The following UBN2 variants were observed in gnomAD, a reference collection of about 807,000 sequenced individuals.
UBN2 encodes ubinuclein-2.
A neutral mutation model predicts 120.2 loss-of-function variants in UBN2; 35 were observed. The observed-to-expected ratio is 0.29, with a 90% CI of 0.22 to 0.39. The LOEUF is 0.39. Among genes scored for constraint, UBN2 ranks in the 10% least tolerant of loss-of-function variants. The pLI is 1.00. For synonymous variants in UBN2, 661 were observed against 648.7 expected (o/e 1.02, Z -0.29); for missense variants, 1,693 against 1,663.2 (o/e 1.02, Z -0.31).
At chr7:139,240,824 G>A (rs994670352) in intron 2 of UBN2, among the ~76,000 whole-genome samples, 1 of 152,088 alleles carries the variant, frequency 6.6e-6, no homozygotes, top group Non-Finnish European at 1.5e-5. Context: ...GGTTTTTTGG[G>A]AAAAGGTCAA....
Position 139,282,022 on chromosome 7 carries a change from C to T in UBN2, c.2085C>T (p.Thr695=). ...KPKVKEVMVK[T]LPLHSFPTML... ...TACCTTAGGAGGTGATGGTAAAGACCCTTCCTCTCCATTCTTTCCCCACTA... is the reference window on the plus strand; with the variant it reads ...TACCTTAGGAGGTGATGGTAAAGACTCTTCCTCTCCATTCTTTCCCCACTA... The change falls in exon 14 of 18, where the codon ACC becomes ACT. Residue 695 remains threonine, a synonymous_variant. Transcript: ENST00000473989. 6.2e-7 allele frequency: 1 copy of T among 1,613,258 alleles called. No homozygotes were observed.
Position 139,295,118 on chromosome 7 carries a change from AAAATG to A in UBN2, c.3994+1139_3994+1143del, listed in dbSNP as rs145308840. On this transcript the variant is annotated intron_variant, in intron 17 of 17. Transcript: ENST00000473989. ...TTTTTTTTTTTTGGCCACTGCATTA[AAAATG>A]ACCTTTGAACCAGTTTACCATTAAC... Among the ~76,000 whole-genome samples the A allele has an allele frequency of 4.6e-3, 702 of 151,738 alleles. 6 individuals are homozygous for A. Among genetic ancestry groups the A allele is most frequent in the African/African-American group, 0.016 (673 of 41,330 alleles).
At chr7:139,244,854 A>G (rs1221850298) in intron 2 of UBN2, among the ~76,000 whole-genome samples, 1 of 152,136 alleles carries the variant, frequency 6.6e-6, no homozygotes, top group East Asian at 1.9e-4. Flanking sequence ...CTTTTCGTGA[A>G]TAGCCTGAGC....
intron 15 of UBN2, among the ~76,000 whole-genome samples, chr7:139,286,965 C>CA (rs1248196041): frequency 1.3e-5 from 2 of 152,102 alleles, no homozygotes; most frequent in Non-Finnish European, 2.9e-5. Flanking sequence ...ACTGGTAATT[C>CA]ATTAATTGAA....
chr7:139,254,094 C>T (rs977661047), intron 3 of UBN2, among the ~76,000 whole-genome samples: 1 of 152,100 alleles, frequency 6.6e-6, no homozygotes, highest in African/African-American at 2.4e-5. Context: ...GAGATCGAGA[C>T]CATCCTGGCT....
chr7:139,275,075 C>T (rs577008953), intron 11 of UBN2, among the ~76,000 whole-genome samples: 50 of 150,314 alleles, frequency 3.3e-4, no homozygotes, highest in Non-Finnish European at 5.6e-4. Flanking sequence ...GTCCGGAGTT[C>T]AAGACCAGCC....
chr7:139,249,880 T>A (rs1286134765), intron 2 of UBN2, among the ~76,000 whole-genome samples: 2 of 151,556 alleles, frequency 1.3e-5, no homozygotes, highest in African/African-American at 2.4e-5. Flanking sequence ...AAAAAAAAAA[T>A]TTGTTGAGAC....
At chr7:139,290,532 A>G (rs1797923110) in intron 15 of UBN2, among the ~76,000 whole-genome samples, 1 of 152,204 alleles carries the variant, frequency 6.6e-6, no homozygotes, top group Admixed American at 6.5e-5. Flanking sequence ...AGGGACTGGA[A>G]AGAATGGAAT....
Position 139,237,100 on chromosome 7 carries a change from G to A in UBN2, c.561+3G>A. On this transcript the variant is annotated splice_donor_region_variant and intron_variant, in intron 2 of 17. Transcript: ENST00000473989. Reference sequence around the variant, plus strand: ...CTAAGAAGTTTGAAATGAAATATGTGAGTATAATAAACTGATCACTTAGGT... The same window carrying A: ...CTAAGAAGTTTGAAATGAAATATGTAAGTATAATAAACTGATCACTTAGGT... 6.2e-7 allele frequency: 1 copy of A among 1,600,020 alleles called. No individual in the cohort carries two copies. The highest frequency in any genetic ancestry group is 8.6e-7 in the Non-Finnish European group (1 of 1,169,506).
Position 139,264,420 on chromosome 7 carries a change from T to C in UBN2, c.1396-1913T>C, listed in dbSNP as rs59366735. Among the ~76,000 whole-genome samples the C allele has an allele frequency of 2.6e-3, 395 of 152,292 alleles. 8 individuals are homozygous for C. The East Asian group carries it at 0.056, about 21-fold the overall frequency. ...GCTAACTCTATTAATAATTATGATG[T>C]CAGTGACTCCTTAAAGGACAGAGTC... On this transcript the variant is annotated intron_variant, in intron 6 of 17. Transcript: ENST00000473989.
chr7:139,285,501 T>C (rs1797757069), intron 15 of UBN2, among the ~76,000 whole-genome samples: 1 of 152,218 alleles, frequency 6.6e-6, no homozygotes, highest in Admixed American at 6.5e-5. Context: ...GCTTAGTATT[T>C]AGGATTATGG....
Position 139,273,393 on chromosome 7 carries a change from C to G in UBN2, c.1812C>G (p.His604Gln). 6.3e-7 allele frequency: 1 copy of G among 1,598,796 alleles called. No homozygotes were observed. The highest frequency in any genetic ancestry group is 1.1e-5 in the South Asian group (1 of 88,266). The change falls in exon 10 of 18, where the codon CAC (histidine) becomes CAG (glutamine). Residue 604 changes from histidine to glutamine, a missense_variant. By Grantham distance (24) the His-to-Gln change is conservative. Transcript: ENST00000473989. Reference protein sequence around the residue: ...KRVIGPRKKFHWDDTIRTLLC... With the variant: ...KRVIGPRKKFQWDDTIRTLLC... ...TCATAGGACCAAGAAAGAAATTCCA[C>G]TGGGATGACACTATCAGGTAAGATT...
Position 139,266,327 on chromosome 7 carries a change from C to G in UBN2, c.1396-6C>G. 4 of 1,550,500 alleles carry G rather than the reference C, an allele frequency of 2.6e-6. No homozygotes were observed. The highest frequency in any genetic ancestry group is 3.5e-6 in the Non-Finnish European group (4 of 1,137,550). On this transcript the variant is annotated splice_polypyrimidine_tract_variant and splice_region_variant and intron_variant, in intron 6 of 17. Coordinates refer to ENST00000473989, the MANE Select transcript of UBN2 (RefSeq NM_173569.4). ...TGATTTATTATCATCTTTCTTGTTT[C>G]TTTAGGCTGCCAAACTTTTTGATGA...
intron 6 of UBN2, among the ~76,000 whole-genome samples, chr7:139,265,383 C>CAG (rs1797064772): frequency 6.6e-6 from 1 of 152,038 alleles, no homozygotes; most frequent in African/African-American, 2.4e-5. Context: ...GAGGCTGAGG[C>CAG]AGGAGGATCA....
intron 11 of UBN2, among the ~76,000 whole-genome samples, chr7:139,275,268 A>C (rs1585015418): frequency 8.0e-6 from 1 of 125,706 alleles, no homozygotes; most frequent in East Asian, 2.3e-4. Flanking sequence ...CAAGAGCAAA[A>C]CTCTGTCTCA....
chr7:139,249,560 A>G (rs942538501), intron 2 of UBN2, among the ~76,000 whole-genome samples: 1 of 152,176 alleles, frequency 6.6e-6, no homozygotes, highest in Non-Finnish European at 1.5e-5. Context: ...CTTTTCATTG[A>G]GAGGTATGCG....
chr7:139,265,477 C>CA (rs957505688), intron 6 of UBN2, among the ~76,000 whole-genome samples: 4 of 150,018 alleles, frequency 2.7e-5, no homozygotes, highest in Admixed American at 6.6e-5. Flanking sequence ...GACTCCGTCT[C>CA]AAAAAAAAAG....
chr7:139,310,186 T>G (rs142005228), downstream of UBN2, among the ~76,000 whole-genome samples: 32 of 151,822 alleles, frequency 2.1e-4, no homozygotes, highest in African/African-American at 7.5e-4. Context: ...CACAATAAAC[T>G]GCTTGATTTA....
In UBN2 at chr7:139,304,507, A is replaced by G. The variant is rs1467318999; in HGVS notation, c.*6671A>G. 5 of 152,202 alleles carry G rather than the reference A, an allele frequency of 3.3e-5. No homozygotes were observed. Among genetic ancestry groups the G allele is most frequent in the African/African-American group, 1.2e-4 (5 of 41,442 alleles). 9.4% of individuals were successfully genotyped at this position (152,202 alleles called of 1,614,324 possible). On this transcript the variant is annotated 3_prime_UTR_variant, in exon 18 of 18. Transcript: ENST00000473989. ...ATGCTGCAGTTTTAGTTGGGGCTAA[A>G]TGCTGAGCAACGATTGTTGGAGTGT...
Sources: gnomAD v4.1 joint callset for allele counts (sites outside exome capture counted in the v4.1 genomes callset) on GRCh38, gnomAD v4.1.1 for gene constraint, MANE v1.5 for transcripts, NCBI Gene and HGNC (gene_info 2026-07-23, HGNC 2026-07-21) for gene names.